Variants in SYBU observed in about 807,000 individuals in gnomAD.
The protein encoded by SYBU is syntabulin, also known as GOLSYN A protein.
SYBU carries 21 observed loss-of-function variants against 35.9 expected under a neutral mutation model. The ratio of observed to expected loss-of-function variants is 0.58; its 90% CI spans 0.41 to 0.84. The LOEUF (loss-of-function observed/expected upper bound fraction) is 0.84, where lower values mean the gene tolerates loss of function less well. Among genes scored for constraint, SYBU ranks in the 40% least tolerant of loss-of-function variants. The pLI, the probability that SYBU is intolerant of heterozygous loss-of-function variation, is 0.00. For synonymous variants in SYBU, 319 were observed against 324.3 expected, an observed-to-expected ratio of 0.98 and a Z score of 0.18; for missense variants, 768 against 848.2, an observed-to-expected ratio of 0.91 and a Z score of 1.17.
At chr8:109,630,466 A>G (rs1199284879) in intron 2 of SYBU, among the ~76,000 whole-genome samples, 2 of 152,146 alleles carry the variant, frequency 1.3e-5, no homozygotes, top group Non-Finnish European at 2.9e-5. Flanking sequence ...AAATAAACCC[A>G]TTTGGAGGCC....
chr8:109,619,600 C>A (rs1418953365), intron 2 of SYBU, among the ~76,000 whole-genome samples: 1 of 152,294 alleles, frequency 6.6e-6, no homozygotes, highest in Non-Finnish European at 1.5e-5. Context: ...TCTGTTTCAA[C>A]ACTTTATATA....
At position 109,577,893 on chromosome 8, in the gene SYBU, C is replaced by T. The variant is rs1822535006; in HGVS notation, c.859G>A (p.Glu287Lys). 1 of 1,613,608 alleles carries T rather than the reference C, an allele frequency of 6.2e-7. No individual in the cohort carries two copies. The highest frequency in any genetic ancestry group is 8.5e-7 in the Non-Finnish European group (1 of 1,179,758). ...CTTTCATGGAGTCGGCGCTCAGATT[C>T]CTTCAGCTTGGTTTTGAGGTGTCTC... The part of the protein sequence containing the change: ...TVRHLKTKLK[E>K]SERRLHERES... Residue 287 changes from glutamate to lysine, a missense_variant, in exon 6 of 7, where the codon GAA (glutamate) becomes AAA (lysine). Physicochemically the swap from Glu to Lys is moderately conservative, Grantham distance 56. Coordinates refer to ENST00000276646, the MANE Select transcript of SYBU (RefSeq NM_001099754.2).
At chr8:109,669,083 C>A (rs1816871110) in intron 1 of SYBU, among the ~76,000 whole-genome samples, 1 of 152,130 alleles carries the variant, frequency 6.6e-6, no homozygotes, top group Non-Finnish European at 1.5e-5. Context: ...TGGCTCACAC[C>A]TGTAATCCCA....
chr8:109,577,125 G>T (rs1822417183), intron 6 of SYBU, among the ~76,000 whole-genome samples: 1 of 152,124 alleles, frequency 6.6e-6, no homozygotes, highest in Non-Finnish European at 1.5e-5. Context: ...AGCAACCAAG[G>T]TATTGAGTTT....
intron 2 of SYBU, among the ~76,000 whole-genome samples, chr8:109,639,235 T>C (rs1219124873): frequency 1.3e-5 from 2 of 152,200 alleles, no homozygotes; most frequent in African/African-American, 2.4e-5. Context: ...TCATGAATTT[T>C]TGTTTCATTA....
At chr8:109,578,049 T>C in intron 5 of SYBU, 32 bp from the exon 6 acceptor site, 1 of 1,588,734 alleles carries the variant, frequency 6.3e-7, no homozygotes, top group Non-Finnish European at 8.6e-7. Flanking sequence ...AATGTTACTT[T>C]TTGCCGTTTC....
intron 3 of SYBU, among the ~76,000 whole-genome samples, chr8:109,594,515 A>C (rs950279703): frequency 2.0e-5 from 3 of 151,994 alleles, no homozygotes; most frequent in African/African-American, 7.3e-5. Flanking sequence ...TTTTTTAAAA[A>C]ACTCACTTCT....
chr8:109,691,142 C>T lies in SYBU; in HGVS notation c.-58+191G>A, dbSNP rs183139569. 3.7e-3 allele frequency among the ~76,000 whole-genome samples: 564 copies of T among 152,280 alleles called. 2 individuals carry two copies. Among genetic ancestry groups the T allele is most frequent in the African/African-American group, 0.013 (530 of 41,552 alleles). On this transcript the variant is annotated intron_variant, in intron 1 of 7. Transcript: ENST00000422135. The surrounding 1 kb of genome is among the most constrained non-coding windows in gnomAD (Gnocchi z 4.7). ...CCTTGGCCTCCATGTGCTGAGAGTG[C>T]CCTTGATTCCCCATTTTCCACGACC... is the stretch of plus-strand genomic sequence containing the variant.
chr8:109,687,529 G>C (rs1398658736), intron 1 of SYBU, among the ~76,000 whole-genome samples: 1 of 152,122 alleles, frequency 6.6e-6, no homozygotes, highest in African/African-American at 2.4e-5. Flanking sequence ...AAGCCAGAGA[G>C]AAGGGAAAGC....
At chr8:109,578,389 C>T (rs979282222) in intron 5 of SYBU, among the ~76,000 whole-genome samples, 1 of 152,118 alleles carries the variant, frequency 6.6e-6, no homozygotes, top group African/African-American at 2.4e-5. Flanking sequence ...CCATGGTTCT[C>T]GAAAGATTTG....
At chr8:109,611,563 GC>G (rs1811177164) in intron 3 of SYBU, among the ~76,000 whole-genome samples, 1 of 152,180 alleles carries the variant, frequency 6.6e-6, no homozygotes, top group Non-Finnish European at 1.5e-5. Flanking sequence ...TCCTAGGGGA[GC>G]ATTCTTTCTC....
At chr8:109,636,471 A>T (rs1371360202) in intron 2 of SYBU, among the ~76,000 whole-genome samples, 1 of 152,214 alleles carries the variant, frequency 6.6e-6, no homozygotes, top group Admixed American at 6.5e-5. Flanking sequence ...ATCCCTGTGT[A>T]TCATTCATTT....
At chr8:109,677,779 G>A (rs551214370) in intron 1 of SYBU, among the ~76,000 whole-genome samples, 4 of 152,194 alleles carry the variant, frequency 2.6e-5, no homozygotes, top group East Asian at 1.9e-4. Flanking sequence ...AGACTAAGAT[G>A]GGTCTCAGAC....
rs769414032 is a variant in SYBU at position 109,575,035 on chromosome 8, C to T, written c.1863G>A (p.Thr621=). Residue 621 remains threonine (T), a synonymous_variant, in exon 7 of 7, where the codon ACG becomes ACA. Coordinates refer to ENST00000276646, the MANE Select transcript of SYBU (RefSeq NM_001099754.2). ...TCTGAGTACTGAATGCCCACAGAACCGTGGGGACCACGGGGGCAGCCACAG... is the reference window on the plus strand; with the variant it reads ...TCTGAGTACTGAATGCCCACAGAACTGTGGGGACCACGGGGGCAGCCACAG... ...LLAVAAPVVP[T]VLWAFSTQRG... 4 of 1,606,562 alleles carry T rather than the reference C, an allele frequency of 2.5e-6. No individual in the cohort carries two copies. Among genetic ancestry groups the T allele is most frequent in the East Asian group, 4.5e-5 (2 of 44,764 alleles).
At chr8:109,649,087 C>T (rs1449999828), upstream of SYBU, 6 of 148,212 alleles carry the variant, frequency 4.0e-5, no homozygotes, top group African/African-American at 1.5e-4. Context: ...ACTGCAACCT[C>T]CGCCTCCTGG....
intron 3 of SYBU, chr8:109,603,288 C>A: frequency 2.1e-6 from 1 of 474,532 alleles, no homozygotes; most frequent in Non-Finnish European, 2.8e-6. Context: ...TCCCACTCAT[C>A]CTTCCAAAAA....
In SYBU at chr8:109,691,265, G is replaced by A; in HGVS notation, c.-58+68C>T. ...CCATCACTGCCCTCATTGTACCGAAGACCATCAGTTGCCCTCCCGTGTCCG... is the reference window on the plus strand; with the variant it reads ...CCATCACTGCCCTCATTGTACCGAAAACCATCAGTTGCCCTCCCGTGTCCG... On this transcript the variant is annotated intron_variant, in intron 1 of 7. Transcript: ENST00000422135. The surrounding 1 kb of genome is among the most constrained non-coding windows in gnomAD (Gnocchi z 4.7). 2 of 695,102 alleles carry A rather than the reference G, an allele frequency of 2.9e-6. No individual in the cohort carries two copies. Among genetic ancestry groups the A allele is most frequent in the South Asian group, 3.0e-5 (2 of 66,568 alleles). The allele number at this position is 695,102 out of a possible 1,614,324, so 43.1% of individuals were successfully genotyped here.
chr8:109,630,819 G>T (rs1658249557), intron 2 of SYBU, among the ~76,000 whole-genome samples: 1 of 152,184 alleles, frequency 6.6e-6, no homozygotes, highest in African/African-American at 2.4e-5. Context: ...GCCCAGGGGG[G>T]ATGTCTGGAG....
chr8:109,624,036 G>C (rs1586864805), intron 2 of SYBU, among the ~76,000 whole-genome samples: 3 of 152,156 alleles, frequency 2.0e-5, no homozygotes, highest in Admixed American at 6.6e-5. Context: ...AACTTGCTAG[G>C]CTAGAAAGAA....
Sources: allele counts gnomAD v4.1 joint callset (sites outside exome capture counted in the v4.1 genomes callset), GRCh38; gene constraint gnomAD v4.1.1; non-coding constraint Gnocchi (gnomAD v3.1); transcripts MANE v1.5; gene names NCBI Gene and HGNC (gene_info 2026-07-23, HGNC 2026-07-21).